RNF213: variants seen among roughly 807,000 people sequenced by gnomAD.
RNF213 encodes the protein ring finger protein 213, also known as E3 ubiquitin-protein ligase RNF213.
RNF213 carries 341 observed loss-of-function variants against 514.4 expected under a neutral mutation model. The observed-to-expected ratio is 0.66, with a 90% confidence interval of 0.61 to 0.73. The LOEUF is 0.73. RNF213 is among the 30% of genes least tolerant of loss of function. The pLI is 0.00. For synonymous variants in RNF213, 2,655 were observed against 2,658.2 expected (o/e 1.00, Z 0.04); for missense variants, 5,767 against 6,615.6 (o/e 0.87, Z 4.45).
intron 31 of RNF213, among the ~76,000 whole-genome samples, chr17:80,351,130 C>T (rs1479174596): frequency 6.6e-6 from 1 of 152,198 alleles, no homozygotes; most frequent in Admixed American, 6.5e-5. Context: ...CAACAAGAAA[C>T]TGGCTTTGGC....
At chr17:80,296,920 C>T (rs995505594) in intron 10 of RNF213, among the ~76,000 whole-genome samples, 4 of 151,586 alleles carry the variant, frequency 2.6e-5, no homozygotes, top group African/African-American at 9.7e-5. Context: ...ACCTTGTGAT[C>T]CGCCTGCCTC....
chr17:80,310,388 G>A (rs928804057), intron 14 of RNF213, among the ~76,000 whole-genome samples: 18 of 151,804 alleles, frequency 1.2e-4, no homozygotes, highest in Admixed American at 1.2e-3. Flanking sequence ...AAGTGGCTGG[G>A]ACTACAGGTG....
In RNF213 at chr17:80,377,775, C is replaced by T; in HGVS notation, c.13524C>T (p.Gly4508=). Residue 4508 remains glycine (G), a synonymous_variant, in exon 54 of 68, where the codon GGC becomes GGT. Transcript: ENST00000582970. This position sits in a 1 kb window ranked among gnomAD's most constrained non-coding sequence, Gnocchi z 4.1. ...TTCTCTTCACAGCTTGTCCCAACGG[C>T]CATCCTTGCTCCGTGGGAGAGGTGA... ...ERVHWYTCPN[G]HPCSVGECGR... is the part of the protein sequence containing the mutation. 3 of 1,614,172 alleles carry T rather than the reference C, an allele frequency of 1.9e-6. No homozygotes were observed. Among genetic ancestry groups the T allele is most frequent in the Non-Finnish European group, 2.5e-6 (3 of 1,180,032 alleles).
At chr17:80,268,941 G>A (rs1413581246) in intron 2 of RNF213, among the ~76,000 whole-genome samples, 1 of 152,140 alleles carries the variant, frequency 6.6e-6, no homozygotes, top group Admixed American at 6.6e-5. Flanking sequence ...CAGGGAAGCC[G>A]ACAGTGTAGC....
At chr17:80,329,693 C>T (rs930576839) in intron 20 of RNF213, among the ~76,000 whole-genome samples, 18 of 151,986 alleles carry the variant, frequency 1.2e-4, no homozygotes, top group African/African-American at 3.9e-4. Flanking sequence ...TAGCAAGACA[C>T]GGTGGTGCAT....
At chr17:80,363,870 G>T in intron 41 of RNF213, 80 bp downstream of exon 41, 1 of 1,379,980 alleles carries the variant, frequency 7.2e-7, no homozygotes, top group South Asian at 1.2e-5. Context: ...GCATGTCCAT[G>T]AGAAGACGGG....
At chr17:80,261,028 TC>T (rs1210827315) in intron 1 of RNF213, 126 bp downstream of exon 1, 1 of 151,748 alleles carries the variant, frequency 6.6e-6, no homozygotes, top group Admixed American at 6.5e-5. Context: ...GGCCGCCTCT[TC>T]CTGCCGGCTC....
Position 80,374,366 on chromosome 17 carries a change from A to C in RNF213, c.12943-92A>C, listed in dbSNP as rs1396376930. The C allele has an allele frequency of 3.2e-6, 5 of 1,564,536 alleles. No homozygotes were observed. In the East Asian group the frequency reaches 1.1e-4, roughly 35 times the overall value. On this transcript the variant is annotated intron_variant, in intron 49 of 67. Coordinates refer to ENST00000582970, the MANE Select transcript of RNF213 (RefSeq NM_001256071.3). Reference sequence around the variant, plus strand: ...CAGCTTGGCTGCCTTTAAACCTCGAATGATCAACCACCTGGTTCCTGTACC... The same window carrying C: ...CAGCTTGGCTGCCTTTAAACCTCGACTGATCAACCACCTGGTTCCTGTACC...
At position 80,345,746 on chromosome 17, in the gene RNF213, G is replaced by A; in HGVS notation, c.7411G>A (p.Ala2471Thr). The A allele has an allele frequency of 6.2e-7, 1 of 1,614,220 alleles. No individual in the cohort carries two copies. Among genetic ancestry groups the A allele is most frequent in the Non-Finnish European group, 8.5e-7 (1 of 1,180,048 alleles). Residue 2471 changes from alanine (A) to threonine (T), a missense_variant, in exon 29 of 68, where the codon GCC becomes ACC. By Grantham distance (58) the Ala-to-Thr change is moderately conservative. Coordinates refer to ENST00000582970, the MANE Select transcript of RNF213 (RefSeq NM_001256071.3). The surrounding 1 kb of genome is among the most constrained non-coding windows in gnomAD (Gnocchi z 6.0). ...CAGAGTCAGGGAGGCTGAAAATGTGGCCTTCGCCAATAAGGACCAACATCA... is the reference window on the plus strand; with the variant it reads ...CAGAGTCAGGGAGGCTGAAAATGTGACCTTCGCCAATAAGGACCAACATCA... ...YSRVREAENV[A>T]FANKDQHQLD...
At position 80,340,081 on chromosome 17, in the gene RNF213, C is replaced by A; in HGVS notation, c.5714C>A (p.Ala1905Glu). ...GCAGATCAGCTGAGCTACGAGGTGG[C>A]ACGCCAAGCGGAGGAGCTTTTCCAC... ...LFADQLSYEV[A>E]RQAEELFHNL... Residue 1905 changes from alanine (A) to glutamate (E), a missense_variant, in exon 26 of 68, where the codon GCA becomes GAA. Ala to Glu is a moderately radical substitution (Grantham distance 107). This residue lies in a region of RNF213 where 1,377 missense variants were observed against 1,635.2 expected (regional missense o/e 0.84). Transcript: ENST00000582970. 1 of 1,598,360 alleles carries A rather than the reference C, an allele frequency of 6.3e-7. No homozygotes were observed. The highest frequency in any genetic ancestry group is 2.3e-5 in the East Asian group (1 of 44,000).
chr17:80,345,776 G>C lies in RNF213; in HGVS notation c.7441G>C (p.Asp2481His). The change falls in exon 29 of 68, where the codon GAC (aspartate) becomes CAC (histidine). Residue 2481 changes from aspartate (D) to histidine (H), a missense_variant. Physicochemically the swap from Asp to His is moderately conservative, Grantham distance 81. Coordinates refer to ENST00000582970, the MANE Select transcript of RNF213 (RefSeq NM_001256071.3). The surrounding 1 kb of genome is among the most constrained non-coding windows in gnomAD (Gnocchi z 6.0). Reference sequence around the variant, plus strand: ...CGCCAATAAGGACCAACATCAGTTGGACACCATCTTGTTTTTTGATGAAGC... The same window carrying C: ...CGCCAATAAGGACCAACATCAGTTGCACACCATCTTGTTTTTTGATGAAGC... ...AFANKDQHQL[D>H]TILFFDEANT... 2 of 1,614,184 alleles carry C rather than the reference G, an allele frequency of 1.2e-6. No homozygotes were observed. The highest frequency in any genetic ancestry group is 1.7e-6 in the Non-Finnish European group (2 of 1,180,040).
At chr17:80,360,761 C>T (rs777962280) in intron 38 of RNF213, among the ~76,000 whole-genome samples, 22 of 152,298 alleles carry the variant, frequency 1.4e-4, no homozygotes, top group East Asian at 5.8e-4. Context: ...CCAACGACAA[C>T]GCAACACTTT....
intron 3 of RNF213, among the ~76,000 whole-genome samples, chr17:80,278,440 C>T (rs970018740): frequency 1.3e-5 from 2 of 152,118 alleles, no homozygotes; most frequent in Admixed American, 6.5e-5. Flanking sequence ...AGGCCCGGGG[C>T]GCCGGGAGCC....
intron 13 of RNF213, among the ~76,000 whole-genome samples, chr17:80,307,895 T>C (rs1004387730): frequency 1.3e-5 from 2 of 150,314 alleles, no homozygotes. Flanking sequence ...ATAATAGATA[T>C]CAGCTGCTAA....
At chr17:80,381,169 G>A in intron 56 of RNF213, 182 bp downstream of exon 56, 1 of 698,844 alleles carries the variant, frequency 1.4e-6, no homozygotes, top group Non-Finnish European at 2.5e-6. Flanking sequence ...TGGTATGGGG[G>A]GAACTACTCC....
intron 10 of RNF213, 133 bp downstream of exon 10, chr17:80,295,946 C>A: frequency 1.1e-6 from 1 of 930,612 alleles, no homozygotes; most frequent in Non-Finnish European, 1.7e-6. Flanking sequence ...TTTTACCACT[C>A]ACTGTGGTCA....
In RNF213 at chr17:80,379,751, A is replaced by G. The variant is rs1023440076; in HGVS notation, c.13640+37A>G. 3.8e-6 allele frequency: 6 copies of G among 1,573,506 alleles called. No homozygotes were observed. The African/African-American group carries it at 8.1e-5, about 21-fold the overall frequency. Reference sequence around the variant, plus strand: ...AGGATTCTATTTCCTAAGTACTCAAACTTTGGGGTGTTGGGCTGTTTTTAT... The same window carrying G: ...AGGATTCTATTTCCTAAGTACTCAAGCTTTGGGGTGTTGGGCTGTTTTTAT... On this transcript the variant is annotated intron_variant, in intron 55 of 67. Transcript: ENST00000582970.
rs2078293883 is a variant in RNF213, at chr17:80,345,907, C to T, written c.7572C>T (p.Cys2524=). The T allele has an allele frequency of 7.4e-6, 12 of 1,614,224 alleles. No individual in the cohort carries two copies. Among genetic ancestry groups the T allele is most frequent in the Non-Finnish European group, 9.3e-6 (11 of 1,180,048 alleles). ...EDSGLHIIAA[C]NPYRKHSEEM... ...CTGGCCTGCATATTATAGCTGCCTG[C>T]AATCCATACCGGAAGCACTCTGAGG... is the stretch of plus-strand genomic sequence containing the variant. Residue 2524 remains cysteine, a synonymous_variant, in exon 29 of 68, where the codon TGC becomes TGT. Coordinates refer to ENST00000582970, the MANE Select transcript of RNF213 (RefSeq NM_001256071.3). The surrounding 1 kb of genome is among the most constrained non-coding windows in gnomAD (Gnocchi z 6.0).
At chr17:80,292,828 A>G (rs2044781823) in intron 8 of RNF213, among the ~76,000 whole-genome samples, 1 of 151,932 alleles carries the variant, frequency 6.6e-6, no homozygotes. Context: ...CTGAAACTCA[A>G]GGAAGTGAGC....
Sources: allele counts gnomAD v4.1 joint callset (sites outside exome capture counted in the v4.1 genomes callset), GRCh38; gene constraint gnomAD v4.1.1; regional missense constraint gnomAD v4.1.1; non-coding constraint Gnocchi (gnomAD v3.1); transcripts MANE v1.5; gene names NCBI Gene and HGNC (gene_info 2026-07-23, HGNC 2026-07-21).